Variants in BMPR2 observed in about 807,000 individuals in gnomAD.
The protein encoded by BMPR2 is bone morphogenetic protein receptor type-2.
In BMPR2, 29 loss-of-function variants were observed where a neutral mutation model predicts 100.8. That is an observed-to-expected ratio of 0.29 (90% CI 0.21 to 0.39). The LOEUF (loss-of-function observed/expected upper bound fraction) is 0.39, where lower values mean the gene tolerates loss of function less well. Among genes scored for constraint, BMPR2 ranks in the 10% least tolerant of loss-of-function variants. The probability of loss-of-function intolerance (pLI) is 1.00; values close to 1 mark genes in which losing one functional copy is unlikely to be tolerated. For synonymous variants in BMPR2, 382 were observed against 442.3 expected (o/e 0.86, Z 1.71); for missense variants, 1,011 against 1,274.5 (o/e 0.79, Z 3.15).
At chr2:202,425,134 G>A (rs968884270) in intron 1 of BMPR2, among the ~76,000 whole-genome samples, 1 of 151,826 alleles carries the variant, frequency 6.6e-6, no homozygotes, top group African/African-American at 2.4e-5. Flanking sequence ...GGCTAGTCTC[G>A]AACTCTTGAC....
At chr2:202,415,962 T>C (rs1306524200) in intron 1 of BMPR2, among the ~76,000 whole-genome samples, 1 of 152,222 alleles carries the variant, frequency 6.6e-6, no homozygotes, top group Non-Finnish European at 1.5e-5. Flanking sequence ...ATAGCTGCCA[T>C]AGATAGTGAT....
intron 1 of BMPR2, among the ~76,000 whole-genome samples, chr2:202,408,153 A>T (rs939423044): frequency 2.0e-5 from 3 of 152,230 alleles, no homozygotes; most frequent in African/African-American, 7.2e-5. Context: ...GATTTCATAA[A>T]GAAAACAAGA....
At chr2:202,378,546 G>T (rs979185622) in intron 1 of BMPR2, among the ~76,000 whole-genome samples, 1 of 152,090 alleles carries the variant, frequency 6.6e-6, no homozygotes, top group South Asian at 2.1e-4. Context: ...AGATACAGAG[G>T]TTACTTGCTT....
In BMPR2 at chr2:202,506,224, T is replaced by C. The variant is rs1687518112; in HGVS notation, c.419-7495T>C. Among the ~76,000 whole-genome samples, 3 of 152,160 alleles carry C rather than the reference T, an allele frequency of 2.0e-5. No individual in the cohort carries two copies. The South Asian group carries it at 6.2e-4, about 32-fold the overall frequency. On this transcript the variant is annotated intron_variant, in intron 3 of 12. Transcript: ENST00000374580. ...CAGGCTGGAGTGCAGTGGTGTGATA[T>C]CAGCTCACTGCAACCTCCGCTTCTT...
In BMPR2 at chr2:202,503,393, A is replaced by G. The variant is rs74774627; in HGVS notation, c.419-10326A>G. On this transcript the variant is annotated intron_variant, in intron 3 of 12. Transcript: ENST00000374580. This position sits in a 1 kb window ranked among gnomAD's most constrained non-coding sequence, Gnocchi z 4.0. The stretch of plus-strand genomic sequence containing the variant: ...CAGGGAGGTGTGGAGGGAGAGGCGC[A>G]AGCAGGAACCGGGGCGGCGTGCCGC... Among the ~76,000 whole-genome samples the G allele has an allele frequency of 1.3e-5, 2 of 152,228 alleles. No individual in the cohort carries two copies. The highest frequency in any genetic ancestry group is 2.9e-5 in the Non-Finnish European group (2 of 68,034).
At chr2:202,498,544 C>T (rs929424189) in intron 3 of BMPR2, among the ~76,000 whole-genome samples, 3 of 152,160 alleles carry the variant, frequency 2.0e-5, no homozygotes, top group African/African-American at 7.2e-5. Flanking sequence ...ACAACTATTC[C>T]GATCAGCAGG....
At chr2:202,410,689 C>T (rs1228948746) in intron 1 of BMPR2, among the ~76,000 whole-genome samples, 11 of 152,142 alleles carry the variant, frequency 7.2e-5, no homozygotes, top group African/African-American at 2.7e-4. Context: ...ACAACATTCT[C>T]CTTCCTCAGC....
At chr2:202,486,624 CAAA>C (rs200186562) in intron 3 of BMPR2, among the ~76,000 whole-genome samples, 5 of 113,520 alleles carry the variant, frequency 4.4e-5, no homozygotes, top group East Asian at 2.7e-4. Flanking sequence ...AGACTGTCTC[CAAA>C]AAAAAAAAAA....
Position 202,515,878 on chromosome 2 carries a change from C to A in BMPR2, c.621+899C>A, listed in dbSNP as rs538148566. On this transcript the variant is annotated intron_variant, in intron 5 of 12. Transcript: ENST00000374580. Reference sequence around the variant, plus strand: ...CACTCTAGGTGACAGAGCAGGAATCCGTCTCAAAAAATAAAAAAGAAAAAG... The same window carrying A: ...CACTCTAGGTGACAGAGCAGGAATCAGTCTCAAAAAATAAAAAAGAAAAAG... Among the ~76,000 whole-genome samples the A allele has an allele frequency of 4.0e-5, 6 of 151,762 alleles. No individual in the cohort carries two copies. In the East Asian group the frequency reaches 1.2e-3, roughly 29 times the overall value.
At chr2:202,420,109 C>G (rs928960411) in intron 1 of BMPR2, among the ~76,000 whole-genome samples, 5 of 151,880 alleles carry the variant, frequency 3.3e-5, no homozygotes, top group African/African-American at 1.2e-4. Context: ...TCCATTTTTC[C>G]TCTAGAGTTA....
chr2:202,537,280 G>A (rs1282733752), intron 9 of BMPR2, among the ~76,000 whole-genome samples: 1 of 152,122 alleles, frequency 6.6e-6, no homozygotes, highest in Admixed American at 6.6e-5. Context: ...TGTTTTAGAA[G>A]CATGTCTGAC....
rs1486959509 is a variant in BMPR2, at chr2:202,513,728, A to C, written c.428A>C (p.His143Pro). The C allele has an allele frequency of 7.4e-6, 12 of 1,612,688 alleles. No homozygotes were observed. In the Admixed American group the frequency reaches 2.0e-4, roughly 27 times the overall value. The change falls in exon 4 of 13, where the codon CAT becomes CCT. Residue 143 changes from histidine to proline, a missense_variant. Coordinates refer to ENST00000374580, the MANE Select transcript of BMPR2 (RefSeq NM_001204.7). ...ATTTGTTTTCTTTTAGGTCCACCTCATTCATTTAACCGAGATGAGACAATA... is the reference window on the plus strand; with the variant it reads ...ATTTGTTTTCTTTTAGGTCCACCTCCTTCATTTAACCGAGATGAGACAATA... ...PPDTTPLSPP[H>P]SFNRDETIII... is the part of the protein sequence containing the mutation.
chr2:202,556,071 G>A lies in BMPR2; in HGVS notation c.2406G>A (p.Val802=). 6.2e-7 allele frequency: 1 copy of A among 1,614,186 alleles called. No homozygotes were observed. The highest frequency in any genetic ancestry group is 1.7e-5 in the Admixed American group (1 of 60,010). ...TCAATGCAGCAGAACCTCATGTGGT[G>A]ACAGTCACCATGAATGGTGTGGCAG... is the stretch of plus-strand genomic sequence containing the variant. ...NTINAAEPHV[V]TVTMNGVAGR... The change falls in exon 12 of 13, where the codon GTG becomes GTA. Residue 802 remains valine (V), a synonymous_variant. Coordinates refer to ENST00000374580, the MANE Select transcript of BMPR2 (RefSeq NM_001204.7).
chr2:202,501,469 G>C (rs1268653592), intron 3 of BMPR2, among the ~76,000 whole-genome samples: 2 of 152,210 alleles, frequency 1.3e-5, no homozygotes, highest in Admixed American at 6.5e-5. Context: ...CCACAGGACA[G>C]AACTTCTCTT....
chr2:202,494,187 G>T (rs1281331616), intron 3 of BMPR2, among the ~76,000 whole-genome samples: 1 of 152,172 alleles, frequency 6.6e-6, no homozygotes, highest in Non-Finnish European at 1.5e-5. Flanking sequence ...TTTTGCTAAT[G>T]AATTCACTTA....
At chr2:202,426,888 GTAAAA>G (rs1394276466) in intron 1 of BMPR2, among the ~76,000 whole-genome samples, 2 of 152,038 alleles carry the variant, frequency 1.3e-5, no homozygotes, top group African/African-American at 4.8e-5. Flanking sequence ...CTCTTTAAAA[GTAAAA>G]TAAAATAAAT....
At chr2:202,450,547 C>T (rs1460713615) in intron 1 of BMPR2, among the ~76,000 whole-genome samples, 18 of 151,820 alleles carry the variant, frequency 1.2e-4, no homozygotes, top group African/African-American at 3.4e-4. Flanking sequence ...CAAAATTAGC[C>T]GGGCATGGTG....
In BMPR2 at chr2:202,555,600, T is replaced by C. The variant is rs1688554326; in HGVS notation, c.1935T>C (p.Val645=). 1 of 1,614,108 alleles carries C rather than the reference T, an allele frequency of 6.2e-7. No individual in the cohort carries two copies. The highest frequency in any genetic ancestry group is 8.5e-7 in the Non-Finnish European group (1 of 1,180,020). The change falls in exon 12 of 13, where the codon GTT becomes GTC. Residue 645 remains valine (V), a synonymous_variant. Transcript: ENST00000374580. ...AAACAAATCTGCATACCACAAATGT[T>C]GCACAGTCAATTGGGCCAACCCCTG... ...PDETNLHTTN[V]AQSIGPTPVC...
At position 202,377,174 on chromosome 2, in the gene BMPR2, G is replaced by A. The variant is rs116154690; in HGVS notation, c.-301G>A. 6,293 of 590,214 alleles carry A rather than the reference G, an allele frequency of 0.011. 58 individuals carry two copies. The highest frequency in any genetic ancestry group is 0.013 in the Middle Eastern group (30 of 2,226). 36.6% of individuals were successfully genotyped at this position (590,214 alleles called of 1,614,324 possible). The stretch of plus-strand genomic sequence containing the variant: ...TGAAACTACGAGGGAAATAATTTGG[G>A]GGATTTCTTCTTGGCTCCCTGCTTT... On this transcript the variant is annotated 5_prime_UTR_variant, in exon 1 of 13. Transcript: ENST00000374580.
Sources: gnomAD v4.1 joint callset for allele counts (sites outside exome capture counted in the v4.1 genomes callset) on GRCh38, gnomAD v4.1.1 for gene constraint, Gnocchi (gnomAD v3.1) non-coding constraint, MANE v1.5 for transcripts, NCBI Gene and HGNC (gene_info 2026-07-23, HGNC 2026-07-21) for gene names.